Variants in CADM1 observed in about 807,000 individuals in gnomAD.
The protein encoded by CADM1 is TSLC-1.
CADM1 carries 15 observed loss-of-function variants against 53.1 expected under a neutral mutation model. That is an observed-to-expected ratio of 0.28 (90% CI 0.19 to 0.44). CADM1 has a LOEUF of 0.44. Ranked by LOEUF, CADM1 falls within the 20% of genes least tolerant of loss-of-function variation. The pLI is 1.00. For synonymous variants in CADM1, 281 were observed against 243.0 expected, an observed-to-expected ratio of 1.16 and a Z score of -1.45; for missense variants, 434 against 611.3, an observed-to-expected ratio of 0.71 and a Z score of 3.06.
chr11:115,303,312 G>GA (rs1207901665), intron 1 of CADM1, among the ~76,000 whole-genome samples: 2 of 151,942 alleles, frequency 1.3e-5, no homozygotes, highest in Admixed American at 6.6e-5. Context: ...GCCTGCATTT[G>GA]AAAAAATGAT....
intron 1 of CADM1, chr11:115,445,771 G>A (rs1477082761): frequency 4.4e-6 from 2 of 454,094 alleles, no homozygotes; most frequent in Admixed American, 2.4e-5. Flanking sequence ...CTGAGCACGG[G>A]AAGGCCGAGG....
At chr11:115,199,211 A>G (rs534823339) in intron 8 of CADM1, among the ~76,000 whole-genome samples, 6 of 152,336 alleles carry the variant, frequency 3.9e-5, no homozygotes, top group African/African-American at 1.4e-4. Flanking sequence ...ACAATCTGCC[A>G]AACGCTGCTT....
At chr11:115,492,085 T>G (rs1949509969) in intron 1 of CADM1, among the ~76,000 whole-genome samples, 1 of 151,864 alleles carries the variant, frequency 6.6e-6, no homozygotes, top group South Asian at 2.1e-4. Context: ...CCCTAGAACT[T>G]AAAGTAAAAT....
intron 1 of CADM1, among the ~76,000 whole-genome samples, chr11:115,458,016 T>C (rs1591264542): frequency 6.6e-6 from 1 of 152,108 alleles, no homozygotes; most frequent in African/African-American, 2.4e-5. Context: ...GCAGCATGAC[T>C]ACCTGTGGCG....
intron 1 of CADM1, among the ~76,000 whole-genome samples, chr11:115,382,366 A>C (rs1946600391): frequency 6.6e-6 from 1 of 152,160 alleles, no homozygotes; most frequent in South Asian, 2.1e-4. Flanking sequence ...TGCACACGAG[A>C]GGTTTCCTGT....
At chr11:115,204,093 A>G (rs2134706036) in intron 8 of CADM1, among the ~76,000 whole-genome samples, 1 of 152,360 alleles carries the variant, frequency 6.6e-6, no homozygotes, top group South Asian at 2.1e-4. Context: ...CTCTAGAGAA[A>G]AAGGCAATTT....
At chr11:115,303,567 C>T (rs934928514) in intron 1 of CADM1, among the ~76,000 whole-genome samples, 1 of 151,980 alleles carries the variant, frequency 6.6e-6, no homozygotes, top group Non-Finnish European at 1.5e-5. Flanking sequence ...GCATGGGTCT[C>T]ATAGGTCATT....
intron 1 of CADM1, among the ~76,000 whole-genome samples, chr11:115,463,677 T>C (rs1410148629): frequency 6.6e-6 from 1 of 152,162 alleles, no homozygotes; most frequent in Non-Finnish European, 1.5e-5. Context: ...ACTGACCCAG[T>C]GGGGTTTCTA....
intron 1 of CADM1, among the ~76,000 whole-genome samples, chr11:115,454,628 AC>A (rs1442292692): frequency 6.6e-6 from 1 of 152,198 alleles, no homozygotes; most frequent in Non-Finnish European, 1.5e-5. Flanking sequence ...TTTGAAAGCT[AC>A]TGGCAAAATG....
chr11:115,456,242 C>A (rs1948681093), intron 1 of CADM1, among the ~76,000 whole-genome samples: 1 of 151,836 alleles, frequency 6.6e-6, no homozygotes, highest in Non-Finnish European at 1.5e-5. Context: ...TGCATACTTA[C>A]CAGATATGAA....
chr11:115,492,930 T>G (rs545284186), intron 1 of CADM1, among the ~76,000 whole-genome samples: 2 of 124,868 alleles, frequency 1.6e-5, no homozygotes, highest in East Asian at 2.1e-4. Flanking sequence ...AAGGATATTT[T>G]ATACACACAC....
intron 1 of CADM1, among the ~76,000 whole-genome samples, chr11:115,407,064 C>T (rs1337556281): frequency 6.6e-6 from 1 of 152,028 alleles, no homozygotes; most frequent in South Asian, 2.1e-4. Context: ...GGCACTTTCC[C>T]ATATCACACT....
chr11:115,198,980 G>A (rs1251882560), intron 8 of CADM1, among the ~76,000 whole-genome samples: 1 of 152,192 alleles, frequency 6.6e-6, no homozygotes, highest in African/African-American at 2.4e-5. Flanking sequence ...GCCTGTAGAT[G>A]AATAGACAGG....
At chr11:115,417,898 C>T (rs561937186) in intron 1 of CADM1, among the ~76,000 whole-genome samples, 1 of 152,150 alleles carries the variant, frequency 6.6e-6, no homozygotes, top group Non-Finnish European at 1.5e-5. Flanking sequence ...TACAAGTCAC[C>T]CTAAAGCAAA....
chr11:115,214,486 G>A, intron 7 of CADM1, 122 bp downstream of exon 7: 2 of 965,972 alleles, frequency 2.1e-6, no homozygotes, highest in East Asian at 2.6e-5. Context: ...GCTTCTTTAA[G>A]TTCTAGAAGG....
At chr11:115,333,178 C>T (rs1236045149) in intron 1 of CADM1, among the ~76,000 whole-genome samples, 1 of 152,136 alleles carries the variant, frequency 6.6e-6, no homozygotes, top group Non-Finnish European at 1.5e-5. Flanking sequence ...CCAATGGTGT[C>T]CTAATTAGCC....
In CADM1 at chr11:115,284,087, A is replaced by ACTCTCTCTCTCTCTCTCTCTCTCCCTCT. The variant is rs1555055855; in HGVS notation, c.125-43668_125-43667insAGAGGGAGAGAGAGAGAGAGAGAGAGAG. ...AGGGTGAAGATCTACAAGCCCAGAC[A>ACTCTCTCTCTCTCTCTCTCTCTCCCTCT]CTCTCTCTCTCTCTCTCTCTCTCTC... On this transcript the variant is annotated intron_variant, in intron 1 of 11. Transcript: ENST00000331581. Among the ~76,000 whole-genome samples, 60 of 47,568 alleles carry ACTCTCTCTCTCTCTCTCTCTCTCCCTCT rather than the reference A, an allele frequency of 1.3e-3. 5 individuals carry two copies. The highest frequency in any genetic ancestry group is 4.5e-3 in the Admixed American group (17 of 3,748). The allele number at this position is 47,568 out of a possible 152,430, so 31.2% of individuals were successfully genotyped here.
chr11:115,255,492 A>C (rs1942755630), intron 1 of CADM1, among the ~76,000 whole-genome samples: 1 of 152,174 alleles, frequency 6.6e-6, no homozygotes, highest in Admixed American at 6.5e-5. Flanking sequence ...GATAATTCCT[A>C]CGCATATTAA....
intron 1 of CADM1, among the ~76,000 whole-genome samples, chr11:115,360,959 A>G (rs936135842): frequency 6.6e-6 from 1 of 152,248 alleles, no homozygotes; most frequent in Admixed American, 6.5e-5. Flanking sequence ...TTTACTGACT[A>G]CATAGGTACT....
Sources: gnomAD v4.1 joint callset for allele counts (sites outside exome capture counted in the v4.1 genomes callset) on GRCh38, gnomAD v4.1.1 for gene constraint, MANE v1.5 for transcripts, NCBI Gene and HGNC (gene_info 2026-07-23, HGNC 2026-07-21) for gene names.